Variants in SH3RF1 observed in about 807,000 individuals in gnomAD.
SH3RF1 encodes SH3 domain containing ring finger 1.
A neutral mutation model predicts 74.0 loss-of-function variants in SH3RF1; 32 were observed. The ratio of observed to expected loss-of-function variants is 0.43; its 90% CI spans 0.33 to 0.58. SH3RF1 has a LOEUF of 0.58. SH3RF1 is among the 20% of genes least tolerant of loss of function. SH3RF1 has a pLI of 0.05. For missense variants in SH3RF1, 954 were observed against 1,130.9 expected (o/e 0.84, Z 2.24); for synonymous variants, 396 against 439.6 (o/e 0.90, Z 1.24).
intron 2 of SH3RF1, among the ~76,000 whole-genome samples, chr4:169,185,180 T>C (rs574048774): frequency 6.6e-6 from 1 of 152,204 alleles, no homozygotes; most frequent in Non-Finnish European, 1.5e-5. Flanking sequence ...CCCTACCACA[T>C]GCCAAGCACT....
At chr4:169,243,724 C>T (rs1339978443) in intron 2 of SH3RF1, among the ~76,000 whole-genome samples, 2 of 152,204 alleles carry the variant, frequency 1.3e-5, no homozygotes, top group Non-Finnish European at 2.9e-5. Flanking sequence ...GATTCTTGCA[C>T]TGGATATTCA....
At chr4:169,176,453 A>T (rs1013885501) in intron 2 of SH3RF1, among the ~76,000 whole-genome samples, 1 of 152,236 alleles carries the variant, frequency 6.6e-6, no homozygotes, top group Non-Finnish European at 1.5e-5. Context: ...TTCATGGGTG[A>T]TCAATTTTAA....
intron 5 of SH3RF1, among the ~76,000 whole-genome samples, chr4:169,134,204 A>G (rs1733662137): frequency 6.6e-6 from 1 of 152,188 alleles, no homozygotes; most frequent in African/African-American, 2.4e-5. Flanking sequence ...AACAAACTGG[A>G]ATATGGAAGG....
At chr4:169,127,551 AG>A (rs1733548354) in intron 6 of SH3RF1, among the ~76,000 whole-genome samples, 1 of 152,256 alleles carries the variant, frequency 6.6e-6, no homozygotes, top group African/African-American at 2.4e-5. Context: ...TCTGAGATCT[AG>A]ACATCTCCTG....
At chr4:169,238,911 A>AT (rs1433363077) in intron 2 of SH3RF1, among the ~76,000 whole-genome samples, 1 of 152,134 alleles carries the variant, frequency 6.6e-6, no homozygotes, top group Admixed American at 6.5e-5. Flanking sequence ...GACTATCTAT[A>AT]TAAGTATTTC....
chr4:169,122,878 A>G (rs964073192), intron 6 of SH3RF1, among the ~76,000 whole-genome samples: 2 of 152,216 alleles, frequency 1.3e-5, no homozygotes, highest in Admixed American at 6.5e-5. Context: ...ATCTTTAACA[A>G]GTACACCAGT....
At position 169,156,639 on chromosome 4, in the gene SH3RF1, T is replaced by C. The variant is rs77051766; in HGVS notation, c.434A>G (p.Tyr145Cys). Reference protein sequence around the residue: ...QLPCAKALYNYEGKEPGDLKF... With the variant: ...QLPCAKALYNCEGKEPGDLKF... ...AAGGTCTCCAGGCTCTTTTCCTTCA[T>C]AGTTGTATAATGCTTTGGCACATGG... The change falls in exon 3 of 12, where the codon TAT (tyrosine) becomes TGT (cysteine). Residue 145 changes from tyrosine to cysteine, a missense_variant. Around this residue, in one of 3 missense-constraint regions of SH3RF1, gnomAD observed 854 missense variants for 962.5 expected, o/e 0.89. Coordinates refer to ENST00000284637, the MANE Select transcript of SH3RF1 (RefSeq NM_020870.4). The C allele has an allele frequency of 3.7e-6, 6 of 1,613,828 alleles. No homozygotes were observed. Among genetic ancestry groups the C allele is most frequent in the African/African-American group, 2.7e-5 (2 of 74,984 alleles).
chr4:169,190,704 C>T (rs1734688477), intron 2 of SH3RF1, among the ~76,000 whole-genome samples: 2 of 152,050 alleles, frequency 1.3e-5, no homozygotes, highest in Admixed American at 1.3e-4. Flanking sequence ...AAGAGGGAAC[C>T]CTCCCTAAAT....
intron 2 of SH3RF1, among the ~76,000 whole-genome samples, chr4:169,218,313 TAGAATATAGAATAC>T (rs1730499871): frequency 7.3e-5 from 7 of 95,368 alleles, no homozygotes; most frequent in South Asian, 7.3e-4. Flanking sequence ...ATATAGAATA[TAGAATATAGAATAC>T]AGATTATAGA....
intron 2 of SH3RF1, among the ~76,000 whole-genome samples, chr4:169,250,358 A>T (rs1338307996): frequency 2.0e-5 from 3 of 152,174 alleles, no homozygotes; most frequent in Non-Finnish European, 2.9e-5. Context: ...TTTTTAAATC[A>T]TTCCACATTT....
At chr4:169,246,078 A>G (rs1730990614) in intron 2 of SH3RF1, among the ~76,000 whole-genome samples, 1 of 152,242 alleles carries the variant, frequency 6.6e-6, no homozygotes, top group Non-Finnish European at 1.5e-5. Context: ...ACAGAAGCCC[A>G]GATGATACTT....
chr4:169,227,177 A>T (rs1730664874), intron 2 of SH3RF1, among the ~76,000 whole-genome samples: 1 of 152,180 alleles, frequency 6.6e-6, no homozygotes, highest in South Asian at 2.1e-4. Context: ...AAAAAAAAAC[A>T]CATAAGAAAG....
intron 2 of SH3RF1, among the ~76,000 whole-genome samples, chr4:169,189,519 T>C (rs1367263874): frequency 1.3e-5 from 2 of 152,160 alleles, no homozygotes; most frequent in East Asian, 3.9e-4. Context: ...CACTGTTGCT[T>C]TCCTCTCCCC....
chr4:169,212,869 C>T (rs569296757), intron 2 of SH3RF1, among the ~76,000 whole-genome samples: 1 of 152,274 alleles, frequency 6.6e-6, no homozygotes, highest in Non-Finnish European at 1.5e-5. Flanking sequence ...TCTCCCTGCC[C>T]CTTAACTTCT....
At chr4:169,229,735 G>C (rs1180990363) in intron 2 of SH3RF1, among the ~76,000 whole-genome samples, 1 of 152,092 alleles carries the variant, frequency 6.6e-6, no homozygotes, top group Non-Finnish European at 1.5e-5. Context: ...TCACAACTGG[G>C]AACAAAACCA....
intron 7 of SH3RF1, 76 bp downstream of exon 7, chr4:169,122,024 G>T: frequency 1.3e-6 from 2 of 1,561,886 alleles, no homozygotes; most frequent in South Asian, 1.2e-5. Context: ...ATGTCAGAAA[G>T]GTGTTTCTTG....
At chr4:169,146,386 C>T (rs989862919) in intron 4 of SH3RF1, among the ~76,000 whole-genome samples, 6 of 151,578 alleles carry the variant, frequency 4.0e-5, no homozygotes, top group Admixed American at 2.0e-4. Flanking sequence ...CATGCCACCA[C>T]GCCCAGCTTA....
intron 2 of SH3RF1, among the ~76,000 whole-genome samples, chr4:169,214,281 A>G (rs146830698): frequency 7.2e-4 from 110 of 152,246 alleles, no homozygotes; most frequent in African/African-American, 2.5e-3. Context: ...ACCTGCTCCC[A>G]CTTCATTGTC....
intron 4 of SH3RF1, among the ~76,000 whole-genome samples, chr4:169,140,285 A>T (rs1487829201): frequency 2.0e-5 from 3 of 152,248 alleles, no homozygotes; most frequent in Non-Finnish European, 4.4e-5. Context: ...GATAAAATTC[A>T]TGTATGAATG....
Sources: allele counts gnomAD v4.1 joint callset (sites outside exome capture counted in the v4.1 genomes callset), GRCh38; gene constraint gnomAD v4.1.1; regional missense constraint gnomAD v4.1.1; transcripts MANE v1.5; gene names NCBI Gene and HGNC (gene_info 2026-07-23, HGNC 2026-07-21).